SNED1: variants seen among roughly 807,000 people sequenced by gnomAD.
SNED1 encodes the protein sushi, nidogen and EGF-like domain-containing protein 1.
Under a neutral mutation model 166.7 loss-of-function variants are expected in SNED1, and 81 were observed. The observed-to-expected ratio is 0.49, with a 90% CI of 0.41 to 0.58. The LOEUF is 0.58. Ranked by LOEUF, SNED1 falls within the 20% of genes least tolerant of loss-of-function variation. The pLI is 0.00. For missense variants in SNED1, 1,604 were observed against 2,000.2 expected (o/e 0.80, Z 3.78); for synonymous variants, 762 against 822.0 (o/e 0.93, Z 1.25).
chr2:241,031,189 G>C (rs558268489), intron 2 of SNED1, among the ~76,000 whole-genome samples: 1 of 151,832 alleles, frequency 6.6e-6, no homozygotes, highest in South Asian at 2.1e-4. Flanking sequence ...TTTTGAGATG[G>C]CGTCTTGCTC....
At chr2:241,061,014 T>C (rs1313294184) in intron 16 of SNED1, among the ~76,000 whole-genome samples, 1 of 152,012 alleles carries the variant, frequency 6.6e-6, no homozygotes, top group Non-Finnish European at 1.5e-5. Flanking sequence ...AGTGAAAGAC[T>C]CCTTAAGCCA....
rs376808569 is a variant in SNED1, at chr2:241,040,402, G to A, written c.1262G>A (p.Arg421His). Residue 421 changes from arginine to histidine, a missense_variant, in exon 8 of 32, where the codon CGC (arginine) becomes CAC (histidine). Around this residue, in one of 2 missense-constraint regions of SNED1, gnomAD observed 1,237 missense variants for 1,620.8 expected, o/e 0.76. Transcript: ENST00000310397. ...TGTGCCGAGCCCTTCAAGGGACTTC[G>A]CTGTGAGACAGGTAACTGGCCAAGT... is the stretch of plus-strand genomic sequence containing the variant. ...CLCAEPFKGL[R>H]CETGDHPVPD... The A allele has an allele frequency of 3.9e-5, 62 of 1,591,738 alleles. No individual in the cohort carries two copies. Among genetic ancestry groups the A allele is most frequent in the Admixed American group, 7.0e-5 (4 of 57,212 alleles).
In SNED1 at chr2:241,073,706, C is replaced by A; in HGVS notation, c.3916+342C>A. 1 of 454,642 alleles carries A rather than the reference C, an allele frequency of 2.2e-6. No individual in the cohort carries two copies. The allele number at this position is 454,642 out of a possible 1,614,324, so 28.2% of individuals were successfully genotyped here. ...CCCCAGCCCCTGCCTCTGGGCCCCT[C>A]ACCCCTCACTTCTCCAAAGAGGAGC... On this transcript the variant is annotated intron_variant, in intron 27 of 31. Transcript: ENST00000310397. The surrounding 1 kb of genome is among the most constrained non-coding windows in gnomAD (Gnocchi z 6.6).
rs941706772 is a variant in SNED1, at chr2:241,018,295, A to G, written c.214-11989A>G. On this transcript the variant is annotated intron_variant, in intron 1 of 31. Transcript: ENST00000310397. The surrounding 1 kb of genome is among the most constrained non-coding windows in gnomAD (Gnocchi z 5.4). ...GCAAGATGGAAGCAAGGTTGTGCCC[A>G]CACATGCACTTACATGGGGGCACGT... 6.6e-5 allele frequency among the ~76,000 whole-genome samples: 10 copies of G among 152,232 alleles called. No individual in the cohort carries two copies. The highest frequency in any genetic ancestry group is 1.5e-4 in the Non-Finnish European group (10 of 68,038).
rs772995766 is a variant in SNED1 at position 241,085,860 on chromosome 2, CTTTTTTT to C, written c.4122-1514_4122-1508del. On this transcript the variant is annotated intron_variant, in intron 29 of 31. Transcript: ENST00000310397. ...CTATGGCATGGCCTTTCTGCGGTTTCTTTTTTTTTTTTTTTTTTTTTTTTGAGACAGT... is the reference window on the plus strand; with the variant it reads ...CTATGGCATGGCCTTTCTGCGGTTTCTTTTTTTTTTTTTTTTTGAGACAGT... Among the ~76,000 whole-genome samples, 35 of 79,160 alleles carry C rather than the reference CTTTTTTT, an allele frequency of 4.4e-4. 1 individual carries two copies. The highest frequency in any genetic ancestry group is 1.4e-3 in the African/African-American group (28 of 19,652). 51.9% of individuals were successfully genotyped at this position (79,160 alleles called of 152,430 possible).
rs754259393 is a variant in SNED1 at position 241,052,443 on chromosome 2, G to T, written c.2058G>T (p.Gly686=). ...ATTTCTTCTGCCACTGCCAAGCAGGGTACATGGGACGCCGGTGCCAGGCAG... is the reference window on the plus strand; with the variant it reads ...ATTTCTTCTGCCACTGCCAAGCAGGTTACATGGGACGCCGGTGCCAGGCAG... ...DTDFFCHCQA[G]YMGRRCQAEV... The change falls in exon 15 of 32, where the codon GGG becomes GGT. Residue 686 remains glycine, a synonymous_variant. Coordinates refer to ENST00000310397, the MANE Select transcript of SNED1 (RefSeq NM_001080437.3). 9.3e-6 allele frequency: 15 copies of T among 1,610,224 alleles called. No individual in the cohort carries two copies. The highest frequency in any genetic ancestry group is 2.2e-5 in the East Asian group (1 of 44,682).
intron 30 of SNED1, chr2:241,087,700 G>A: frequency 7.3e-7 from 1 of 1,365,340 alleles, no homozygotes. Context: ...CTGGGTGCTG[G>A]GGGGGGTCAC....
In SNED1 at chr2:241,065,273, C is replaced by G. The variant is rs763263822; in HGVS notation, c.2714-26C>G. ...TAGCTAACGGCTGACCAGTCCCCTCCCCTTGTTTTGACCCAAACCCTGAAG... is the reference window on the plus strand; with the variant it reads ...TAGCTAACGGCTGACCAGTCCCCTCGCCTTGTTTTGACCCAAACCCTGAAG... On this transcript the variant is annotated intron_variant, in intron 20 of 31. Transcript: ENST00000310397. The G allele has an allele frequency of 2.5e-6, 4 of 1,611,250 alleles. No individual in the cohort carries two copies. In the South Asian group the frequency reaches 4.4e-5, roughly 18 times the overall value.
intron 27 of SNED1, 49 bp from the exon 28 acceptor site, chr2:241,081,628 G>T: frequency 7.4e-7 from 1 of 1,359,386 alleles, no homozygotes; most frequent in African/African-American, 1.4e-5. Flanking sequence ...CATGAGGCAG[G>T]CCTGTCCTGG....
intron 8 of SNED1, among the ~76,000 whole-genome samples, chr2:241,044,076 A>C (rs924575213): frequency 6.6e-6 from 1 of 152,240 alleles, no homozygotes; most frequent in Non-Finnish European, 1.5e-5. Context: ...TACAGCTAAT[A>C]AACCAATTGT....
chr2:241,085,644 T>C (rs777966916), intron 29 of SNED1, among the ~76,000 whole-genome samples: 3 of 152,160 alleles, frequency 2.0e-5, no homozygotes, highest in African/African-American at 4.8e-5. Context: ...TTGAATGTCT[T>C]ATAGTTTTTT....
chr2:241,012,283 T>C (rs1283571100), intron 1 of SNED1, among the ~76,000 whole-genome samples: 1 of 152,190 alleles, frequency 6.6e-6, no homozygotes, highest in African/African-American at 2.4e-5. Context: ...CTTAGCTCTT[T>C]TTTCCAAAAC....
chr2:241,088,720 A>T (rs2063713824), intron 31 of SNED1: 1 of 375,552 alleles, frequency 2.7e-6, no homozygotes, highest in Non-Finnish European at 4.8e-6. Context: ...AGTGGGAGGA[A>T]GAGGCAGGGG....
At chr2:241,090,567 A>T in intron 31 of SNED1, 2 of 1,216,952 alleles carry the variant, frequency 1.6e-6, no homozygotes, top group South Asian at 4.1e-5. Context: ...AGGGCAGTGC[A>T]GTAGGTTTGT....
At chr2:241,026,008 C>CCTTTTTTTT (rs2060953611) in intron 1 of SNED1, among the ~76,000 whole-genome samples, 1 of 80,486 alleles carries the variant, frequency 1.2e-5, no homozygotes, top group African/African-American at 5.4e-5. Context: ...TTTTTCTTTT[C>CCTTTTTTTT]CTTTTTTTTT....
At chr2:241,063,401 G>C in intron 17 of SNED1, 186 bp from the exon 18 acceptor site, 1 of 614,250 alleles carries the variant, frequency 1.6e-6, no homozygotes. Context: ...AGCAGGCAGT[G>C]GAGGTGGCAC....
Position 241,071,717 on chromosome 2 carries a change from C to A in SNED1, c.3731C>A (p.Pro1244His), listed in dbSNP as rs770503984. The change falls in exon 25 of 32, where the codon CCC (proline) becomes CAC (histidine). Residue 1244 changes from proline (P) to histidine (H), a missense_variant. Coordinates refer to ENST00000310397, the MANE Select transcript of SNED1 (RefSeq NM_001080437.3). ...HSAPETPTQP[P>H]RFSELVDGRG... Reference sequence around the variant, plus strand: ...GCCCCCGAGACCCCCACCCAGCCCCCCAGGTACATGCCCCACCCATCGGCC... The same window carrying A: ...GCCCCCGAGACCCCCACCCAGCCCCACAGGTACATGCCCCACCCATCGGCC... 6 of 1,505,872 alleles carry A rather than the reference C, an allele frequency of 4.0e-6. No homozygotes were observed. The South Asian group carries it at 7.2e-5, about 18-fold the overall frequency. The allele number at this position is 1,505,872 out of a possible 1,614,324, so 93.3% of individuals were successfully genotyped here.
At position 241,068,945 on chromosome 2, in the gene SNED1, C is replaced by G; in HGVS notation, c.3229C>G (p.Leu1077Val). 6.4e-7 allele frequency: 1 copy of G among 1,555,514 alleles called. No individual in the cohort carries two copies. Among genetic ancestry groups the G allele is most frequent in the Non-Finnish European group, 8.7e-7 (1 of 1,149,762 alleles). ...LLPGKRYTIQ[L>V]TTLSGLRGEE... is the part of the protein sequence containing the mutation. ...GCCTGGGAAGAGGTACACCATCCAG[C>G]TGACCACCCTCAGTGGGCTCAGGGG... Residue 1077 changes from leucine to valine, a missense_variant, in exon 23 of 32, where the codon CTG (leucine) becomes GTG (valine). Leu to Val is a conservative substitution (Grantham distance 32). Transcript: ENST00000310397. The surrounding 1 kb of genome is among the most constrained non-coding windows in gnomAD (Gnocchi z 5.3).
intron 8 of SNED1, among the ~76,000 whole-genome samples, chr2:241,043,894 G>A (rs2061577687): frequency 6.6e-6 from 1 of 152,172 alleles, no homozygotes; most frequent in Non-Finnish European, 1.5e-5. Flanking sequence ...GCAAGATTTG[G>A]TCTGTGGGTT....
Sources: gnomAD v4.1 joint callset for allele counts (sites outside exome capture counted in the v4.1 genomes callset) on GRCh38, gnomAD v4.1.1 for gene constraint, gnomAD v4.1.1 regional missense constraint, Gnocchi (gnomAD v3.1) non-coding constraint, MANE v1.5 for transcripts, NCBI Gene and HGNC (gene_info 2026-07-23, HGNC 2026-07-21) for gene names.